Variants in IL23R observed in about 807,000 individuals in gnomAD.
The protein encoded by IL23R is interleukin 23 receptor, also known as interleukin-23 receptor.
A neutral mutation model predicts 56.9 loss-of-function variants in IL23R; 34 were observed. That is an observed-to-expected ratio of 0.60 (90% CI 0.45 to 0.80). IL23R has a LOEUF of 0.80. IL23R is among the 30% of genes least tolerant of loss of function. IL23R has a pLI of 0.00. For synonymous variants in IL23R, 230 were observed against 249.2 expected (o/e 0.92, Z 0.73); for missense variants, 635 against 730.0 (o/e 0.87, Z 1.50).
At chr1:67,198,626 T>C (rs898853492) in intron 4 of IL23R, among the ~76,000 whole-genome samples, 4 of 152,156 alleles carry the variant, frequency 2.6e-5, no homozygotes, top group Non-Finnish European at 5.9e-5. Context: ...AAACCTGTCA[T>C]TAGGTCCAGT....
intron 1 of IL23R, among the ~76,000 whole-genome samples, chr1:67,144,271 C>T (rs543848135): frequency 5.9e-5 from 9 of 152,296 alleles, no homozygotes; most frequent in African/African-American, 1.4e-4. Context: ...ATGCCTAAAC[C>T]ACTTTCTTAC....
rs556854123 is a variant in IL23R, at chr1:67,148,339, T to C, written c.-634+9178T>C. 3.3e-5 allele frequency among the ~76,000 whole-genome samples: 5 copies of C among 152,278 alleles called. No individual in the cohort carries two copies. The East Asian group carries it at 9.7e-4, about 29-fold the overall frequency. ...TAATAGAGTGAAAACAGAGCTCCCATAGAAGGGGAGGGGACCCAAAGGGGG... is the reference window on the plus strand; with the variant it reads ...TAATAGAGTGAAAACAGAGCTCCCACAGAAGGGGAGGGGACCCAAAGGGGG... On this transcript the variant is annotated intron_variant, in intron 1 of 10. Coordinates refer to the IL23R transcript ENST00000637002.
intron 4 of IL23R, among the ~76,000 whole-genome samples, chr1:67,195,332 C>T (rs1648061276): frequency 1.3e-5 from 2 of 152,222 alleles, no homozygotes; most frequent in Admixed American, 6.5e-5. Flanking sequence ...CATGCCTGGC[C>T]TCAGCCAGTA....
intron 3 of IL23R, among the ~76,000 whole-genome samples, chr1:67,171,278 C>G (rs1442056761): frequency 6.6e-6 from 1 of 152,142 alleles, no homozygotes; most frequent in East Asian, 1.9e-4. Context: ...AACATTGTCT[C>G]TGTTAAAAAA....
In IL23R at chr1:67,258,943, G is replaced by T; in HGVS notation, c.1705G>T (p.Glu569Ter). 1 of 1,614,064 alleles carries T rather than the reference G, an allele frequency of 6.2e-7. No homozygotes were observed. Among genetic ancestry groups the T allele is most frequent in the South Asian group, 1.1e-5 (1 of 91,080 alleles). ...SSPDIQNSVE[E>*]ETTMLLENDS... ...TCCTGACATACAAAACTCAGTAGAG[G>T]AGGAAACCACCATGCTTTTGGAAAA... The change falls in exon 11 of 11, where the codon GAG becomes TAG. Residue 569 changes from glutamate (E) to a stop codon, truncating the protein, a stop_gained. Transcript: ENST00000347310. LOFTEE classifies it low-confidence loss of function (END_TRUNC).
chr1:67,230,983 T>C (rs1570896283), intron 7 of IL23R, among the ~76,000 whole-genome samples: 2 of 151,966 alleles, frequency 1.3e-5, no homozygotes, highest in Non-Finnish European at 2.9e-5. Flanking sequence ...CAAAAGGAGG[T>C]ATTTGTGTTT....
At chr1:67,159,819 A>G (rs1447428703) in intron 1 of IL23R, among the ~76,000 whole-genome samples, 2 of 152,314 alleles carry the variant, frequency 1.3e-5, no homozygotes, top group South Asian at 4.1e-4. Flanking sequence ...GATTTTCTGG[A>G]TATGACTTAT....
intron 9 of IL23R, among the ~76,000 whole-genome samples, chr1:67,245,432 A>G (rs1652153415): frequency 1.3e-5 from 2 of 152,068 alleles, no homozygotes; most frequent in Admixed American, 1.3e-4. Context: ...TCAGTATGAT[A>G]TTGTCTGTGG....
At chr1:67,169,973 C>A (rs11465782) in intron 3 of IL23R, among the ~76,000 whole-genome samples, 1 of 152,176 alleles carries the variant, frequency 6.6e-6, no homozygotes, top group Non-Finnish European at 1.5e-5. Flanking sequence ...CTACCCTGAA[C>A]GAACACTGCA....
intron 1 of IL23R, among the ~76,000 whole-genome samples, chr1:67,154,356 G>T (rs1370598429): frequency 6.6e-6 from 1 of 152,072 alleles, no homozygotes. Flanking sequence ...TGACAGTGGG[G>T]TGTTAAAGTC....
intron 10 of IL23R, among the ~76,000 whole-genome samples, chr1:67,257,033 G>A (rs1455479489): frequency 6.6e-6 from 1 of 152,118 alleles, no homozygotes; most frequent in East Asian, 1.9e-4. Flanking sequence ...CCAATGTGCT[G>A]TTCTTACCCA....
chr1:67,259,262 T>C lies in IL23R; in HGVS notation c.*134T>C. 1.2e-6 allele frequency: 1 copy of C among 856,664 alleles called. No homozygotes were observed. Among genetic ancestry groups the C allele is most frequent in the Non-Finnish European group, 1.9e-6 (1 of 528,210 alleles). 53.1% of individuals were successfully genotyped at this position (856,664 alleles called of 1,614,324 possible). A position where few individuals can be genotyped will look rare whatever the true frequency, so the allele number is the denominator to read the frequency against. On this transcript the variant is annotated 3_prime_UTR_variant, in exon 11 of 11. Transcript: ENST00000347310. The stretch of plus-strand genomic sequence containing the variant: ...TACAAATCTTCACATGGACACATGT[T>C]TTCATTTCCCTTGGATAAATACCTA...
intron 4 of IL23R, among the ~76,000 whole-genome samples, chr1:67,184,404 G>A (rs1332668785): frequency 6.6e-6 from 1 of 151,898 alleles, no homozygotes. Context: ...AAATTAGCCA[G>A]GTGTGGTGGC....
intron 9 of IL23R, among the ~76,000 whole-genome samples, chr1:67,243,964 A>C (rs1652027228): frequency 6.6e-6 from 1 of 152,144 alleles, no homozygotes; most frequent in Non-Finnish European, 1.5e-5. Flanking sequence ...CAGCCTTGCC[A>C]GCGTCTCTTG....
chr1:67,159,662 G>A (rs1224117789), intron 1 of IL23R, among the ~76,000 whole-genome samples: 3 of 152,192 alleles, frequency 2.0e-5, no homozygotes, highest in Admixed American at 6.5e-5. Flanking sequence ...GGAGGCTGAG[G>A]CTGGAGGATC....
At chr1:67,220,214 C>A (rs184890651) in intron 7 of IL23R, among the ~76,000 whole-genome samples, 1 of 151,754 alleles carries the variant, frequency 6.6e-6, no homozygotes, top group African/African-American at 2.4e-5. Flanking sequence ...ACTAAAAATA[C>A]GAAAATTAGC....
chr1:67,182,378 T>C (rs1036306261), intron 3 of IL23R, among the ~76,000 whole-genome samples: 1 of 152,154 alleles, frequency 6.6e-6, no homozygotes, highest in African/African-American at 2.4e-5. Context: ...TGCAGTTTGA[T>C]CTCAGACTGC....
intron 3 of IL23R, among the ~76,000 whole-genome samples, chr1:67,172,703 A>G (rs1646958590): frequency 6.6e-6 from 1 of 152,216 alleles, no homozygotes; most frequent in Non-Finnish European, 1.5e-5. Context: ...CAATGATGAA[A>G]GCACATTTGT....
Position 67,200,845 on chromosome 1 carries a change from C to T in IL23R, c.600C>T (p.Asn200=), listed in dbSNP as rs753008251. ...ACTTGGTTTGGGTCCAAGCAGCAAA[C>T]GCACTAGGCATGGAAGAGTCAAAAC... ...KKYLVWVQAA[N]ALGMEESKQL... The change falls in exon 5 of 11, where the codon AAC becomes AAT. Residue 200 remains asparagine (N), a synonymous_variant. Coordinates refer to ENST00000347310, the MANE Select transcript of IL23R (RefSeq NM_144701.3). The T allele has an allele frequency of 3.6e-5, 58 of 1,613,898 alleles. No homozygotes were observed. The highest frequency in any genetic ancestry group is 1.6e-4 in the Middle Eastern group (1 of 6,084).
Sources: gnomAD v4.1 joint callset for allele counts (sites outside exome capture counted in the v4.1 genomes callset) on GRCh38, gnomAD v4.1.1 for gene constraint, MANE v1.5 for transcripts, NCBI Gene and HGNC (gene_info 2026-07-23, HGNC 2026-07-21) for gene names.